The following TLK1 variants were observed in gnomAD, a reference collection of about 807,000 sequenced individuals.
TLK1 encodes the protein tousled like kinase 1.
TLK1 carries 24 observed loss-of-function variants against 105.3 expected under a neutral mutation model. That is an observed-to-expected ratio of 0.23 (90% CI 0.17 to 0.32). The LOEUF (loss-of-function observed/expected upper bound fraction) is 0.32, where lower values mean the gene tolerates loss of function less well. Among genes scored for constraint, TLK1 ranks in the 10% least tolerant of loss-of-function variants. The pLI, the probability that TLK1 is intolerant of heterozygous loss-of-function variation, is 1.00. For synonymous variants in TLK1, 321 were observed against 310.4 expected (o/e 1.03, Z -0.36); for missense variants, 558 against 910.5 (o/e 0.61, Z 4.98).
intron 13 of TLK1, among the ~76,000 whole-genome samples, chr2:171,011,678 T>C (rs1193661120): frequency 6.6e-6 from 1 of 152,214 alleles, no homozygotes; most frequent in Non-Finnish European, 1.5e-5. Flanking sequence ...TATAGCTCAA[T>C]ATTCAGGAGC....
At chr2:171,187,057 C>CAAAAAAAAAAAAAAAAAAAAAAAAAAAA (rs71013019) in intron 1 of TLK1, among the ~76,000 whole-genome samples, 9 of 34,054 alleles carry the variant, frequency 2.6e-4, no homozygotes, top group African/African-American at 6.8e-4. Flanking sequence ...GACTCTGTCT[C>CAAAAAAAAAAAAAAAAAAAAAAAAAAAA]AAAAAAAAAA....
intron 18 of TLK1, among the ~76,000 whole-genome samples, chr2:171,003,101 C>T (rs985131104): frequency 1.3e-5 from 2 of 151,356 alleles, no homozygotes; most frequent in South Asian, 2.1e-4. Context: ...GGTGAAACCC[C>T]GTCTCTACTA....
At chr2:171,039,103 T>C (rs1686523751) in intron 11 of TLK1, among the ~76,000 whole-genome samples, 1 of 152,184 alleles carries the variant, frequency 6.6e-6, no homozygotes, top group Admixed American at 6.5e-5. Flanking sequence ...AATTTTACTA[T>C]GTCTGATTTA....
chr2:171,210,706 T>A (rs556193751), intron 1 of TLK1, among the ~76,000 whole-genome samples: 1 of 152,196 alleles, frequency 6.6e-6, no homozygotes, highest in African/African-American at 2.4e-5. Context: ...TATTGCAACA[T>A]CCTTATATCT....
chr2:171,225,906 G>A (rs1693888688), intron 1 of TLK1, among the ~76,000 whole-genome samples: 1 of 152,096 alleles, frequency 6.6e-6, no homozygotes, highest in Non-Finnish European at 1.5e-5. Context: ...ATCTAGGTGT[G>A]CTTATTGTCA....
At position 171,135,774 on chromosome 2, in the gene TLK1, C is replaced by T. The variant is rs376987811; in HGVS notation, c.140-17917G>A. 3.3e-5 allele frequency among the ~76,000 whole-genome samples: 5 copies of T among 151,774 alleles called. No homozygotes were observed. In the East Asian group the frequency reaches 5.8e-4, roughly 18 times the overall value. ...CTGAGGTCGCACCACTGCACTCCAA[C>T]GTGGGCGACAAGAAAAAAAGAAAAA... On this transcript the variant is annotated intron_variant, in intron 1 of 20. Coordinates refer to ENST00000431350, the MANE Select transcript of TLK1 (RefSeq NM_012290.5).
chr2:171,030,328 T>C (rs1337493131), intron 11 of TLK1, among the ~76,000 whole-genome samples: 1 of 152,014 alleles, frequency 6.6e-6, no homozygotes, highest in Admixed American at 6.6e-5. Flanking sequence ...AAAATTAACA[T>C]GTTAAATTAA....
chr2:171,094,359 T>C (rs750479305), intron 2 of TLK1, among the ~76,000 whole-genome samples: 2 of 151,820 alleles, frequency 1.3e-5, no homozygotes, highest in South Asian at 4.2e-4. Flanking sequence ...GGATCTACTA[T>C]GAAAATAACT....
rs571890429 is a variant in TLK1, at chr2:171,103,264, T to TTATATATATATATATATATATA, written c.258+14474_258+14475insTATATATATATATATATATATA. ...GTTAAGAAAAAAATTGATCTCAAATTTATATATATATATATATAATTTTTT... is the reference window on the plus strand; with the variant it reads ...GTTAAGAAAAAAATTGATCTCAAATTTATATATATATATATATATATATATATATATATATATATAATTTTTT... On this transcript the variant is annotated intron_variant, in intron 2 of 20. Transcript: ENST00000431350. Among the ~76,000 whole-genome samples, 505 of 136,408 alleles carry TTATATATATATATATATATATA rather than the reference T, an allele frequency of 3.7e-3. 5 individuals carry two copies. The highest frequency in any genetic ancestry group is 4.9e-3 in the Non-Finnish European group (318 of 64,360). 89.5% of individuals were successfully genotyped at this position (136,408 alleles called of 152,430 possible). A position where few individuals can be genotyped will look rare whatever the true frequency, so the allele number is the denominator to read the frequency against.
chr2:171,191,025 G>C (rs1693136528), intron 1 of TLK1, among the ~76,000 whole-genome samples: 1 of 151,974 alleles, frequency 6.6e-6, no homozygotes, highest in Non-Finnish European at 1.5e-5. Flanking sequence ...GCTGGGCGTG[G>C]TGGTGCGGGC....
chr2:171,071,297 T>C (rs1220890905), intron 3 of TLK1, among the ~76,000 whole-genome samples: 1 of 151,910 alleles, frequency 6.6e-6, no homozygotes. Flanking sequence ...ATTTGTCCTT[T>C]TTTTTTTTGA....
rs1273920466 is a variant in TLK1 at position 170,991,394 on chromosome 2, T to G, written c.*2386A>C. The G allele has an allele frequency of 6.6e-6, 1 of 152,232 alleles. No individual in the cohort carries two copies. The highest frequency in any genetic ancestry group is 2.4e-5 in the African/African-American group (1 of 41,460). The allele number at this position is 152,232 out of a possible 1,614,324, so 9.4% of individuals were successfully genotyped here. On this transcript the variant is annotated 3_prime_UTR_variant, in exon 21 of 21. Coordinates refer to ENST00000431350, the MANE Select transcript of TLK1 (RefSeq NM_012290.5). ...GTAAAAGTAAGTTATTCAATGTGGC[T>G]AAATTAGCCATCTTGGTTAGCCATC...
intron 1 of TLK1, among the ~76,000 whole-genome samples, chr2:171,127,141 G>A (rs1395326756): frequency 6.6e-6 from 1 of 151,834 alleles, no homozygotes; most frequent in African/African-American, 2.4e-5. Flanking sequence ...GCCAGGCGTG[G>A]TGGTGCACAC....
At chr2:171,069,332 C>T (rs1254206796) in intron 3 of TLK1, among the ~76,000 whole-genome samples, 2 of 152,136 alleles carry the variant, frequency 1.3e-5, no homozygotes, top group African/African-American at 2.4e-5. Context: ...CTCTGAGCAC[C>T]GGTTTCTAAA....
chr2:171,084,158 A>G (rs1688867598), intron 2 of TLK1, among the ~76,000 whole-genome samples: 1 of 152,174 alleles, frequency 6.6e-6, no homozygotes, highest in Non-Finnish European at 1.5e-5. Context: ...GAGGAAACAG[A>G]AAGAAACAGA....
intron 1 of TLK1, among the ~76,000 whole-genome samples, chr2:171,122,614 T>C (rs1281810993): frequency 3.9e-5 from 6 of 152,078 alleles, no homozygotes; most frequent in Admixed American, 2.0e-4. Flanking sequence ...CAAAATCATA[T>C]AGATACTTAC....
intron 1 of TLK1, among the ~76,000 whole-genome samples, chr2:171,171,378 A>C (rs1692722296): frequency 1.3e-5 from 2 of 151,966 alleles, no homozygotes; most frequent in African/African-American, 4.8e-5. Flanking sequence ...AAGACAGTGA[A>C]AGGATGCTGG....
intron 3 of TLK1, chr2:171,081,726 T>C: frequency 1.2e-5 from 15 of 1,303,886 alleles, no homozygotes; most frequent in Non-Finnish European, 1.4e-5. Context: ...AGGGAAAGCC[T>C]GATGAGTGAG....
At chr2:171,003,013 G>A (rs1022848301) in intron 18 of TLK1, among the ~76,000 whole-genome samples, 3 of 151,712 alleles carry the variant, frequency 2.0e-5, no homozygotes, top group South Asian at 4.2e-4. Flanking sequence ...GGTGGCTCAC[G>A]CCTGTAATCC....
Sources: allele counts gnomAD v4.1 joint callset (sites outside exome capture counted in the v4.1 genomes callset), GRCh38; gene constraint gnomAD v4.1.1; transcripts MANE v1.5; gene names NCBI Gene and HGNC (gene_info 2026-07-23, HGNC 2026-07-21).